The following REXO1 variants were observed in gnomAD, a reference collection of about 807,000 sequenced individuals.
REXO1 encodes the protein REX1, RNA exonuclease 1 homolog.
REXO1 carries 42 observed loss-of-function variants against 102.6 expected under a neutral mutation model. That is an observed-to-expected ratio of 0.41 (90% CI 0.32 to 0.53). REXO1 has a LOEUF of 0.53. Ranked by LOEUF, REXO1 falls within the 20% of genes least tolerant of loss-of-function variation. REXO1 has a pLI of 0.27. For missense variants in REXO1, 1,819 were observed against 1,732.5 expected (o/e 1.05, Z -0.89); for synonymous variants, 908 against 779.1 (o/e 1.17, Z -2.76).
chr19:1,839,670 G>A (rs546942123), intron 1 of REXO1, among the ~76,000 whole-genome samples: 2 of 152,360 alleles, frequency 1.3e-5, no homozygotes, highest in African/African-American at 2.4e-5. Context: ...TACCTGCCCA[G>A]GACCTCAGAG....
At chr19:1,841,275 C>A (rs186166593) in intron 1 of REXO1, among the ~76,000 whole-genome samples, 2 of 152,260 alleles carry the variant, frequency 1.3e-5, no homozygotes, top group Admixed American at 6.5e-5. Flanking sequence ...AATCTACCCA[C>A]TGCGCGGACA....
chr19:1,819,917 C>T lies in REXO1; in HGVS notation c.2650+17G>A. On this transcript the variant is annotated intron_variant, in intron 7 of 15. Coordinates refer to ENST00000170168, the MANE Select transcript of REXO1 (RefSeq NM_020695.4). ...AGAGCAACCCTGAGCCTCCCCCGCC[C>T]ACCCGCCAGGACTCACTGCTGAGGC... is the stretch of plus-strand genomic sequence containing the variant. 3 of 1,552,336 alleles carry T rather than the reference C, an allele frequency of 1.9e-6. No individual in the cohort carries two copies. The highest frequency in any genetic ancestry group is 2.6e-6 in the Non-Finnish European group (3 of 1,153,022).
At chr19:1,817,376 G>A (rs1436129614) in intron 11 of REXO1, 47 bp from the exon 12 acceptor site, 3 of 1,603,436 alleles carry the variant, frequency 1.9e-6, no homozygotes, top group Non-Finnish European at 2.5e-6. Context: ...GTGCAGTGGG[G>A]GCGGGGGTGG....
chr19:1,838,317 C>CA (rs532397234), intron 1 of REXO1, among the ~76,000 whole-genome samples: 5,915 of 81,864 alleles, frequency 0.072, 412 homozygotes, highest in African/African-American at 0.21. Context: ...AACTCCATCT[C>CA]AAAAAAAAAA....
At chr19:1,819,668 G>A (rs954907487) in intron 7 of REXO1, among the ~76,000 whole-genome samples, 1 of 152,224 alleles carries the variant, frequency 6.6e-6, no homozygotes, top group Admixed American at 6.5e-5. Context: ...AGCTGCCGCA[G>A]CTCCATTAGC....
At chr19:1,830,022 T>C (rs1421750624) in intron 1 of REXO1, among the ~76,000 whole-genome samples, 3 of 152,082 alleles carry the variant, frequency 2.0e-5, no homozygotes, top group Non-Finnish European at 2.9e-5. Flanking sequence ...TTCCAGAACA[T>C]AGTGTAGCAG....
In REXO1 at chr19:1,815,500, G is replaced by A. The variant is rs1335181555; in HGVS notation, c.*566C>T. On this transcript the variant is annotated 3_prime_UTR_variant, in exon 16 of 16. Transcript: ENST00000170168. The surrounding 1 kb of genome is among the most constrained non-coding windows in gnomAD (Gnocchi z 4.0). ...ACCGGCCAGCCCCTGGAGCACAGAG[G>A]CGGGTCCAGCCCACACTGCGCTGAG... 9.4e-6 allele frequency: 2 copies of A among 212,482 alleles called. No homozygotes were observed. Among genetic ancestry groups the A allele is most frequent in the African/African-American group, 4.7e-5 (2 of 42,222 alleles). The allele number at this position is 212,482 out of a possible 1,614,324, so 13.2% of individuals were successfully genotyped here. A position where few individuals can be genotyped will look rare whatever the true frequency, so the allele number is the denominator to read the frequency against.
Position 1,819,970 on chromosome 19 carries a change from T to C in REXO1, c.2614A>G (p.Arg872Gly), listed in dbSNP as rs1447855312. The C allele has an allele frequency of 1.9e-6, 3 of 1,589,582 alleles. No homozygotes were observed. The highest frequency in any genetic ancestry group is 2.6e-6 in the Non-Finnish European group (3 of 1,170,982). ...GGCACAGCGCTGGGGGCCAGGCCCC[T>C]GAGCTTCTTGAGGGTGTTCACGGCC... ...NVAVNTLKKLRGLAPSAVPGL... is the reference protein window; with the variant it reads ...NVAVNTLKKLGGLAPSAVPGL... The change falls in exon 7 of 16, where the codon AGG becomes GGG. Residue 872 changes from arginine to glycine, a missense_variant. By Grantham distance (125) the Arg-to-Gly change is moderately radical. Transcript: ENST00000170168.
chr19:1,846,331 A>T (rs2011538273), intron 1 of REXO1, among the ~76,000 whole-genome samples: 1 of 152,216 alleles, frequency 6.6e-6, no homozygotes, highest in Non-Finnish European at 1.5e-5. Flanking sequence ...ACCTCACCGC[A>T]AGGAAGATGG....
intron 3 of REXO1, chr19:1,824,495 T>A (rs1216693004): frequency 1.3e-5 from 2 of 152,240 alleles, no homozygotes; most frequent in Non-Finnish European, 2.9e-5. Context: ...GAAACTTGCA[T>A]GGCTTTCAAG....
At position 1,820,372 on chromosome 19, in the gene REXO1, G is replaced by A. The variant is rs750600176; in HGVS notation, c.2418C>T (p.Pro806=). The A allele has an allele frequency of 6.2e-7, 1 of 1,613,616 alleles. No homozygotes were observed. The highest frequency in any genetic ancestry group is 8.5e-7 in the Non-Finnish European group (1 of 1,179,908). The part of the protein sequence containing the change: ...SLQSLKKPII[P]KEFGGKVPTV... The stretch of plus-strand genomic sequence containing the variant: ...TGGGGACTTTGCCCCCAAACTCTTT[G>A]GGGATAATGGGTTTCTTTAAACTCT... Residue 806 remains proline (P), a synonymous_variant, in exon 6 of 16, where the codon CCC becomes CCT. Coordinates refer to ENST00000170168, the MANE Select transcript of REXO1 (RefSeq NM_020695.4).
intron 1 of REXO1, among the ~76,000 whole-genome samples, chr19:1,841,897 G>A (rs1315542311): frequency 3.9e-5 from 6 of 152,154 alleles, no homozygotes; most frequent in African/African-American, 9.7e-5. Context: ...CAGAGCGCCA[G>A]CTCAGCCATC....
At chr19:1,832,719 C>T (rs1271852716) in intron 1 of REXO1, among the ~76,000 whole-genome samples, 1 of 151,206 alleles carries the variant, frequency 6.6e-6, no homozygotes, top group Non-Finnish European at 1.5e-5. Context: ...GAGTTCAAGA[C>T]CATCCTGGCC....
intron 1 of REXO1, among the ~76,000 whole-genome samples, chr19:1,839,605 C>G (rs1337980299): frequency 6.6e-6 from 1 of 152,224 alleles, no homozygotes; most frequent in East Asian, 1.9e-4. Context: ...TGCTGGCTGG[C>G]AATGTGGGCC....
In REXO1 at chr19:1,826,331, ACCCAGGGGTCCAGGGCTGG is replaced by A. The variant is rs1442417808; in HGVS notation, c.1912-407_1912-389del. Among the ~76,000 whole-genome samples, 1 of 151,606 alleles carries A rather than the reference ACCCAGGGGTCCAGGGCTGG, an allele frequency of 6.6e-6. No individual in the cohort carries two copies. The highest frequency in any genetic ancestry group is 2.4e-5 in the African/African-American group (1 of 41,210). ...CAATTTGGGGACACGGGGCCAGGAGACCCAGGGGTCCAGGGCTGGCCCAGGAGAGCAAGAGCTCGCCACG... is the reference window on the plus strand; with the variant it reads ...CAATTTGGGGACACGGGGCCAGGAGACCCAGGAGAGCAAGAGCTCGCCACG... On this transcript the variant is annotated intron_variant, in intron 2 of 15. Transcript: ENST00000170168. The surrounding 1 kb of genome is among the most constrained non-coding windows in gnomAD (Gnocchi z 4.3).
intron 1 of REXO1, chr19:1,834,961 C>A: frequency 2.3e-6 from 1 of 440,040 alleles, no homozygotes; most frequent in South Asian, 1.6e-5. Context: ...CCCACTGGTG[C>A]TGGAAGGCAG....
Position 1,845,129 on chromosome 19 carries a change from G to A in REXO1, c.157+3073C>T, listed in dbSNP as rs62127706. ...TGGGAGGAAGGTGGGATCTAGCCCT[G>A]CCCACTCCACATAGACAACCGAGGC... is the stretch of plus-strand genomic sequence containing the variant. On this transcript the variant is annotated intron_variant, in intron 1 of 15. Transcript: ENST00000170168. Among the ~76,000 whole-genome samples the A allele has an allele frequency of 2.8e-3, 431 of 152,318 alleles. 2 individuals carry two copies. Among genetic ancestry groups the A allele is most frequent in the Non-Finnish European group, 3.8e-3 (258 of 68,022 alleles).
In REXO1 at chr19:1,818,696, A is replaced by C. The variant is rs769159769; in HGVS notation, c.2902+10T>G. 6.2e-7 allele frequency: 1 copy of C among 1,610,568 alleles called. No individual in the cohort carries two copies. Among genetic ancestry groups the C allele is most frequent in the South Asian group, 1.1e-5 (1 of 90,988 alleles). ...CTGCCCACCTAGGCCGTCGCAGGCC[A>C]GCGACTCACAGTCCTTGGGCCTCTT... On this transcript the variant is annotated intron_variant, in intron 9 of 15. Coordinates refer to ENST00000170168, the MANE Select transcript of REXO1 (RefSeq NM_020695.4).
At chr19:1,823,914 G>A in intron 3 of REXO1, 129 bp from the exon 4 acceptor site, 1 of 406,354 alleles carries the variant, frequency 2.5e-6, no homozygotes, top group Non-Finnish European at 4.3e-6. Flanking sequence ...GCTGCCTTCT[G>A]AGCTGCTGGG....
Sources: allele counts gnomAD v4.1 joint callset (sites outside exome capture counted in the v4.1 genomes callset), GRCh38; gene constraint gnomAD v4.1.1; non-coding constraint Gnocchi (gnomAD v3.1); transcripts MANE v1.5; gene names NCBI Gene and HGNC (gene_info 2026-07-23, HGNC 2026-07-21).